Variants in SLC24A3 observed in about 807,000 individuals in gnomAD.
SLC24A3 encodes the protein solute carrier family 24 member 3.
A neutral mutation model predicts 75.8 loss-of-function variants in SLC24A3; 28 were observed. The observed-to-expected ratio is 0.37, with a 90% CI of 0.27 to 0.51. The LOEUF is 0.51. SLC24A3 is among the 20% of genes least tolerant of loss of function. SLC24A3 has a pLI of 0.94. For synonymous variants in SLC24A3, 372 were observed against 334.1 expected (o/e 1.11, Z -1.24); for missense variants, 663 against 847.8 (o/e 0.78, Z 2.71).
intron 12 of SLC24A3, among the ~76,000 whole-genome samples, chr20:19,687,873 G>GCCTCAGA (rs2032696014): frequency 6.6e-6 from 1 of 152,122 alleles, no homozygotes; most frequent in African/African-American, 2.4e-5. Flanking sequence ...GATGATGGAG[G>GCCTCAGA]CCTCAGACCT....
At chr20:19,547,782 G>T (rs1184270826) in intron 3 of SLC24A3, among the ~76,000 whole-genome samples, 1 of 152,210 alleles carries the variant, frequency 6.6e-6, no homozygotes, top group Non-Finnish European at 1.5e-5. Flanking sequence ...GCCAGAGCCA[G>T]GGCAAGAGAA....
At chr20:19,369,448 G>C (rs1210533575) in intron 2 of SLC24A3, among the ~76,000 whole-genome samples, 1 of 151,314 alleles carries the variant, frequency 6.6e-6, no homozygotes, top group Non-Finnish European at 1.5e-5. Context: ...AGACAAAGGA[G>C]ATAGGATGGT....
chr20:19,464,547 C>G (rs373682105), intron 2 of SLC24A3, among the ~76,000 whole-genome samples: 1 of 152,220 alleles, frequency 6.6e-6, no homozygotes, highest in African/African-American at 2.4e-5. Flanking sequence ...GATCACCAAA[C>G]GGTGAACTCT....
intron 16 of SLC24A3, among the ~76,000 whole-genome samples, chr20:19,718,934 C>T (rs189476428): frequency 1.3e-5 from 2 of 152,144 alleles, no homozygotes; most frequent in Admixed American, 1.3e-4. Flanking sequence ...GAGAAGAGCC[C>T]CAAGATCTCA....
intron 3 of SLC24A3, among the ~76,000 whole-genome samples, chr20:19,538,610 A>G (rs2030442139): frequency 1.3e-5 from 2 of 152,218 alleles, no homozygotes; most frequent in African/African-American, 4.8e-5. Context: ...AAGAAAGACG[A>G]GCAAAACCAA....
At chr20:19,271,858 A>C (rs1317833546) in intron 1 of SLC24A3, among the ~76,000 whole-genome samples, 1 of 152,208 alleles carries the variant, frequency 6.6e-6, no homozygotes, top group Non-Finnish European at 1.5e-5. Context: ...GGGATAAAAG[A>C]CTACACATTG....
At chr20:19,701,946 A>G (rs1321124490) in intron 15 of SLC24A3, among the ~76,000 whole-genome samples, 1 of 152,194 alleles carries the variant, frequency 6.6e-6, no homozygotes, top group African/African-American at 2.4e-5. Flanking sequence ...AGAAACTTTC[A>G]ATGTCCTTCA....
chr20:19,638,659 T>A (rs78268693), intron 6 of SLC24A3, among the ~76,000 whole-genome samples: 9 of 152,122 alleles, frequency 5.9e-5, no homozygotes, highest in African/African-American at 2.2e-4. Context: ...GCTATTATTA[T>A]CCCTATTTTT....
intron 5 of SLC24A3, 77 bp downstream of exon 5, chr20:19,585,132 AC>A: frequency 7.6e-7 from 1 of 1,315,970 alleles, no homozygotes; most frequent in East Asian, 2.4e-5. Context: ...TGGCCCCCAG[AC>A]CGAGATTGTC....
chr20:19,325,166 G>A (rs1379777293), intron 2 of SLC24A3, among the ~76,000 whole-genome samples: 7 of 151,836 alleles, frequency 4.6e-5, no homozygotes, highest in Non-Finnish European at 1.0e-4. Context: ...AGTGGCTCAC[G>A]CCTATAACCC....
chr20:19,403,848 G>A (rs1986595159), intron 2 of SLC24A3, among the ~76,000 whole-genome samples: 1 of 152,152 alleles, frequency 6.6e-6, no homozygotes, highest in Admixed American at 6.5e-5. Context: ...GAGCCTTTTG[G>A]GGCAACAAAG....
chr20:19,232,720 A>G (rs1046600652), intron 1 of SLC24A3, among the ~76,000 whole-genome samples: 1 of 152,210 alleles, frequency 6.6e-6, no homozygotes, highest in African/African-American at 2.4e-5. Context: ...TGGCTAAGCT[A>G]TCTGCCTTTA....
intron 2 of SLC24A3, among the ~76,000 whole-genome samples, chr20:19,494,489 C>T (rs1278548504): frequency 6.6e-6 from 1 of 152,104 alleles, no homozygotes; most frequent in East Asian, 1.9e-4. Context: ...AATATAAAAC[C>T]CTTCTAGAAT....
At chr20:19,312,263 G>A (rs930856388) in intron 2 of SLC24A3, among the ~76,000 whole-genome samples, 1 of 152,068 alleles carries the variant, frequency 6.6e-6, no homozygotes, top group Non-Finnish European at 1.5e-5. Context: ...GGAAAGTATA[G>A]GTGTGCCAGA....
chr20:19,263,444 C>T (rs1262848513), intron 1 of SLC24A3, among the ~76,000 whole-genome samples: 1 of 152,168 alleles, frequency 6.6e-6, no homozygotes, highest in Non-Finnish European at 1.5e-5. Context: ...TAAAAAAAGC[C>T]TGATTATTTA....
chr20:19,243,423 C>T (rs1487523621), intron 1 of SLC24A3, among the ~76,000 whole-genome samples: 3 of 152,170 alleles, frequency 2.0e-5, no homozygotes, highest in Non-Finnish European at 4.4e-5. Flanking sequence ...TTTCTTCATG[C>T]GTTATTTTTG....
At chr20:19,678,015 G>T (rs1280241035) in intron 9 of SLC24A3, among the ~76,000 whole-genome samples, 2 of 151,386 alleles carry the variant, frequency 1.3e-5, no homozygotes, top group Non-Finnish European at 2.9e-5. Flanking sequence ...GAGAGCACAG[G>T]GTTGGGGGGT....
rs140635793 is a variant in SLC24A3, at chr20:19,529,536, C to T, written c.348+13972C>T. On this transcript the variant is annotated intron_variant, in intron 3 of 16. Coordinates refer to ENST00000328041, the MANE Select transcript of SLC24A3 (RefSeq NM_020689.4). ...CCCTTGATCAGGCCGCTGCCCATGG[C>T]AAGAGCTCACTGATGGATCTCACCT... 9.2e-3 allele frequency among the ~76,000 whole-genome samples: 1,395 copies of T among 152,310 alleles called. 23 individuals carry two copies. The highest frequency in any genetic ancestry group is 0.037 in the Admixed American group (571 of 15,302).
At chr20:19,500,676 C>G (rs1988371198) in intron 2 of SLC24A3, among the ~76,000 whole-genome samples, 1 of 152,158 alleles carries the variant, frequency 6.6e-6, no homozygotes, top group Admixed American at 6.5e-5. Flanking sequence ...ATATTAAATT[C>G]CTTTCCATCC....
Sources: allele counts gnomAD v4.1 joint callset (sites outside exome capture counted in the v4.1 genomes callset), GRCh38; gene constraint gnomAD v4.1.1; transcripts MANE v1.5; gene names NCBI Gene and HGNC (gene_info 2026-07-23, HGNC 2026-07-21).